ABCB11: variants seen among roughly 807,000 people sequenced by gnomAD.
ABCB11 encodes the protein ATP binding cassette subfamily B member 11.
In ABCB11, 95 loss-of-function variants were observed where a neutral mutation model predicts 148.0. The observed-to-expected ratio is 0.64, with a 90% CI of 0.54 to 0.76. The LOEUF is 0.76. Among genes scored for constraint, ABCB11 ranks in the 30% least tolerant of loss-of-function variants. The pLI is 0.00. For synonymous variants in ABCB11, 591 were observed against 555.4 expected, an observed-to-expected ratio of 1.06 and a Z score of -0.90; for missense variants, 1,523 against 1,617.8, an observed-to-expected ratio of 0.94 and a Z score of 1.01.
chr2:168,969,538 T>C lies in ABCB11; in HGVS notation c.1823A>G (p.His608Arg). 1.2e-6 allele frequency: 2 copies of C among 1,612,260 alleles called. No homozygotes were observed. The highest frequency in any genetic ancestry group is 1.3e-5 in the African/African-American group (1 of 74,944). Residue 608 changes from histidine (H) to arginine (R), a missense_variant, in exon 16 of 28, where the codon CAC (histidine) becomes CGC (arginine). Coordinates refer to ENST00000650372, the MANE Select transcript of ABCB11 (RefSeq NM_003742.4). ...QEVLSKIQHG[H>R]TIISVAHRLS... ...GCGATGAGCAACTGAAATGATTGTG[T>C]GCCCATGCTGAATCTGTAAGAATGT...
At position 168,935,080 on chromosome 2, in the gene ABCB11, C is replaced by G. The variant is rs949889144; in HGVS notation, c.3056+104G>C. 4.1e-6 allele frequency: 6 copies of G among 1,474,968 alleles called. No homozygotes were observed. In the South Asian group the frequency reaches 7.8e-5, roughly 19 times the overall value. 91.4% of individuals were successfully genotyped at this position (1,474,968 alleles called of 1,614,324 possible). ...ATTAATCCCAGCTATTGTAAGACAC[C>G]AAGCTTGGGATGGTTTGCTAAGCAG... On this transcript the variant is annotated intron_variant, in intron 23 of 27. Transcript: ENST00000650372.
intron 25 of ABCB11, among the ~76,000 whole-genome samples, chr2:168,928,480 A>G (rs887687376): frequency 1.3e-5 from 2 of 152,160 alleles, no homozygotes; most frequent in African/African-American, 4.8e-5. Context: ...AAAAAACATA[A>G]AAAGTGGTAG....
intron 21 of ABCB11, among the ~76,000 whole-genome samples, chr2:168,942,251 G>C (rs1692096221): frequency 6.6e-6 from 1 of 151,700 alleles, no homozygotes; most frequent in South Asian, 2.1e-4. Context: ...CTAAAAACTA[G>C]AGTCTTGTTT....
intron 5 of ABCB11, among the ~76,000 whole-genome samples, chr2:169,005,855 T>C (rs1353637796): frequency 6.6e-6 from 1 of 152,206 alleles, no homozygotes; most frequent in African/African-American, 2.4e-5. Context: ...AAAATATTTT[T>C]AAAGACATAG....
At chr2:169,027,917 G>T (rs1464952388) in intron 1 of ABCB11, among the ~76,000 whole-genome samples, 2 of 152,076 alleles carry the variant, frequency 1.3e-5, no homozygotes, top group Non-Finnish European at 2.9e-5. Flanking sequence ...GAAAAAAAAA[G>T]GGTCAGGGTT....
intron 10 of ABCB11, among the ~76,000 whole-genome samples, chr2:168,981,910 C>T (rs376361552): frequency 6.6e-6 from 1 of 152,108 alleles, no homozygotes; most frequent in Non-Finnish European, 1.5e-5. Context: ...TTTGGCCTGT[C>T]GACCATAGTT....
At chr2:168,930,264 T>C (rs528919602) in intron 25 of ABCB11, among the ~76,000 whole-genome samples, 7 of 152,246 alleles carry the variant, frequency 4.6e-5, no homozygotes, top group African/African-American at 1.4e-4. Flanking sequence ...GATCTTTTCA[T>C]GCTAACTCTC....
chr2:168,955,675 C>G (rs1692757461), intron 19 of ABCB11, among the ~76,000 whole-genome samples: 1 of 151,598 alleles, frequency 6.6e-6, no homozygotes, highest in African/African-American at 2.4e-5. Context: ...TCTTACATTT[C>G]AAAACACAGT....
chr2:168,988,034 C>T (rs547836226), intron 9 of ABCB11, among the ~76,000 whole-genome samples: 1 of 152,010 alleles, frequency 6.6e-6, no homozygotes, highest in African/African-American at 2.4e-5. Context: ...CTATTCTTAG[C>T]AATTTTCAAG....
rs186357809 is a variant in ABCB11, at chr2:168,940,359, A to T, written c.2611-3926T>A. 2.0e-5 allele frequency among the ~76,000 whole-genome samples: 3 copies of T among 152,250 alleles called. No individual in the cohort carries two copies. In the East Asian group the frequency reaches 5.8e-4, roughly 29 times the overall value. On this transcript the variant is annotated intron_variant, in intron 21 of 27. Coordinates refer to ENST00000650372, the MANE Select transcript of ABCB11 (RefSeq NM_003742.4). ...GAACACACAAATAATAAGAAAGTGA[A>T]GTGAACCAGCTTTATTGATGATATG...
At chr2:168,975,665 T>G (rs1038231581) in intron 12 of ABCB11, among the ~76,000 whole-genome samples, 7 of 134,432 alleles carry the variant, frequency 5.2e-5, no homozygotes, top group African/African-American at 1.9e-4. Context: ...TTACAAATAT[T>G]ATATTATATA....
intron 1 of ABCB11, 117 bp downstream of exon 1, chr2:169,031,108 C>T (rs1469382531): frequency 1.3e-5 from 2 of 152,106 alleles, no homozygotes; most frequent in Admixed American, 6.5e-5. Context: ...AGTATTGTAG[C>T]GTTGTTTACA....
At chr2:169,014,115 T>C (rs1335271359) in intron 4 of ABCB11, among the ~76,000 whole-genome samples, 188 bp downstream of exon 4, 1 of 152,204 alleles carries the variant, frequency 6.6e-6, no homozygotes, top group Non-Finnish European at 1.5e-5. Context: ...ATAGGATTTG[T>C]ATGCTTTATG....
At chr2:168,927,089 C>T in intron 26 of ABCB11, 67 bp downstream of exon 26, 2 of 1,429,766 alleles carry the variant, frequency 1.4e-6, no homozygotes, top group East Asian at 2.3e-5. Flanking sequence ...TCAACCTGTA[C>T]ACTCTGGTCA....
intron 8 of ABCB11, among the ~76,000 whole-genome samples, chr2:168,992,014 ATT>A (rs1320630457): frequency 1.3e-4 from 18 of 140,314 alleles, no homozygotes; most frequent in Admixed American, 1.4e-4. Context: ...TTTAAAAAAA[ATT>A]TTTTTTTTTT....
chr2:168,959,764 A>G (rs1364942500), intron 18 of ABCB11, among the ~76,000 whole-genome samples: 1 of 151,244 alleles, frequency 6.6e-6, no homozygotes, highest in East Asian at 2.0e-4. Flanking sequence ...TAAAACACCC[A>G]CTTCATTTGT....
chr2:169,020,102 A>G (rs1453049047), intron 1 of ABCB11, among the ~76,000 whole-genome samples: 2 of 152,216 alleles, frequency 1.3e-5, no homozygotes, highest in Non-Finnish European at 1.5e-5. Context: ...TTAAAACTCT[A>G]CACAGTATGT....
chr2:168,972,015 G>A lies in ABCB11; in HGVS notation c.1470C>T (p.Asn490=), dbSNP rs747864916. Residue 490 remains asparagine, a synonymous_variant, in exon 14 of 28, where the codon AAC becomes AAT. Coordinates refer to ENST00000650372, the MANE Select transcript of ABCB11 (RefSeq NM_003742.4). ...CAATCTGATCTCTAAGCCACTGAAT[G>A]TTAAGAGAGCGAATGTCATGGCCAT... The part of the protein sequence containing the change: ...TVDGHDIRSL[N]IQWLRDQIGI... The A allele has an allele frequency of 2.5e-5, 41 of 1,612,736 alleles. No homozygotes were observed. In the Admixed American group the frequency reaches 6.7e-4, roughly 26 times the overall value.
At chr2:168,964,925 C>G (rs1011089214) in intron 17 of ABCB11, among the ~76,000 whole-genome samples, 2 of 151,774 alleles carry the variant, frequency 1.3e-5, no homozygotes, top group African/African-American at 4.8e-5. Context: ...ACTTACAAAC[C>G]AATGCCAGGT....
Sources: gnomAD v4.1 joint callset for allele counts (sites outside exome capture counted in the v4.1 genomes callset) on GRCh38, gnomAD v4.1.1 for gene constraint, MANE v1.5 for transcripts, NCBI Gene and HGNC (gene_info 2026-07-23, HGNC 2026-07-21) for gene names.